ICE2: variants seen among roughly 807,000 people sequenced by gnomAD.
ICE2 encodes interactor of little elongation complex ELL subunit 2.
In ICE2, 87 loss-of-function variants were observed where a neutral mutation model predicts 105.4. That is an observed-to-expected ratio of 0.83 (90% CI 0.69 to 0.99). ICE2 has a LOEUF of 0.99. Among genes scored for constraint, ICE2 ranks in the 50% least tolerant of loss-of-function variants. ICE2 has a pLI of 0.00. For missense variants in ICE2, 1,323 were observed against 1,146.7 expected (o/e 1.15, Z -2.22); for synonymous variants, 399 against 392.0 (o/e 1.02, Z -0.21).
At position 60,428,604 on chromosome 15, in the gene ICE2, G is replaced by A; in HGVS notation, c.2645C>T (p.Thr882Ile). 1 of 1,614,104 alleles carries A rather than the reference G, an allele frequency of 6.2e-7. No homozygotes were observed. The highest frequency in any genetic ancestry group is 1.1e-5 in the South Asian group (1 of 91,082). ...TTTATACAAATTGTATGCTGTCCTA[G>A]TAACTTTTCCATCAGAGGCCTTATA... ...LIYKASDGKV[T>I]RTAYNLYKTH... The change falls in exon 15 of 16, where the codon ACT (threonine) becomes ATT (isoleucine). Residue 882 changes from threonine (T) to isoleucine (I), a missense_variant. Coordinates refer to ENST00000261520, the MANE Select transcript of ICE2 (RefSeq NM_024611.6).
chr15:60,463,928 A>G (rs1485645260), intron 5 of ICE2, among the ~76,000 whole-genome samples: 1 of 152,180 alleles, frequency 6.6e-6, no homozygotes, highest in African/African-American at 2.4e-5. Context: ...ATACAAGAGG[A>G]CTACACAGGG....
intron 15 of ICE2, among the ~76,000 whole-genome samples, chr15:60,426,947 C>G (rs995541426): frequency 2.6e-5 from 4 of 152,180 alleles, no homozygotes; most frequent in Non-Finnish European, 5.9e-5. Flanking sequence ...TTCTAGTAAA[C>G]TGGAAACAGA....
rs907817387 is a variant in ICE2 at position 60,440,999 on chromosome 15, T to C, written c.2425+1417A>G. 4.6e-5 allele frequency: 7 copies of C among 152,330 alleles called. No individual in the cohort carries two copies. The South Asian group carries it at 1.0e-3, about 23-fold the overall frequency. 9.4% of individuals were successfully genotyped at this position (152,330 alleles called of 1,614,324 possible). On this transcript the variant is annotated intron_variant, in intron 12 of 15. Transcript: ENST00000261520. Reference sequence around the variant, plus strand: ...AATCCATACAGTTGATGTTGAACTGTACATTTAAAAACTGAAACCTTAATT... The same window carrying C: ...AATCCATACAGTTGATGTTGAACTGCACATTTAAAAACTGAAACCTTAATT...
chr15:60,478,948 G>A, intron 1 of ICE2, 55 bp downstream of exon 1: 1 of 455,642 alleles, frequency 2.2e-6, no homozygotes, highest in Non-Finnish European at 4.4e-6. Flanking sequence ...ACGCCCGCTG[G>A]CCCGGCAGCG....
intron 12 of ICE2, chr15:60,441,663 T>C (rs769926211): frequency 6.6e-6 from 1 of 152,182 alleles, no homozygotes; most frequent in South Asian, 2.1e-4. Flanking sequence ...TTAGAAAGGA[T>C]TGAGATTTAT....
intron 12 of ICE2, chr15:60,438,539 T>C (rs377704385): frequency 2.6e-5 from 4 of 152,178 alleles, no homozygotes; most frequent in Non-Finnish European, 4.4e-5. Flanking sequence ...TTAAAAACCA[T>C]AGAAAGGAAA....
At chr15:60,454,318 AGACT>A (rs1215735202) in intron 8 of ICE2, among the ~76,000 whole-genome samples, 1 of 152,106 alleles carries the variant, frequency 6.6e-6, no homozygotes, top group Non-Finnish European at 1.5e-5. Context: ...TTATATGTAT[AGACT>A]TACTGTTATT....
chr15:60,448,274 AC>A, intron 10 of ICE2, 129 bp from the exon 11 acceptor site: 1 of 602,822 alleles, frequency 1.7e-6, no homozygotes, highest in Non-Finnish European at 2.8e-6. Flanking sequence ...TGCCTAAGGG[AC>A]CCTCACACTA....
chr15:60,445,865 A>C (rs1490754430), intron 11 of ICE2: 1 of 675,020 alleles, frequency 1.5e-6, no homozygotes, highest in East Asian at 1.3e-4. Context: ...CTCAAAATAA[A>C]TCAGAGAGAT....
At chr15:60,442,837 GTGAC>G in intron 11 of ICE2, 1 of 209,936 alleles carries the variant, frequency 4.8e-6, no homozygotes, top group Non-Finnish European at 9.3e-6. Context: ...GTCAGGGAAT[GTGAC>G]TGACAGCAGA....
At chr15:60,439,771 A>C (rs774060438) in intron 12 of ICE2, 2 of 152,134 alleles carry the variant, frequency 1.3e-5, no homozygotes, top group Non-Finnish European at 2.9e-5. Flanking sequence ...AATGTCATGA[A>C]ATTATCTTCA....
intron 3 of ICE2, among the ~76,000 whole-genome samples, chr15:60,474,383 AAGG>A (rs1311644148): frequency 2.7e-4 from 41 of 152,256 alleles, no homozygotes; most frequent in Middle Eastern, 6.8e-3. Context: ...CACATGTAAA[AAGG>A]CTGCTCACTG....
intron 1 of ICE2, 144 bp downstream of exon 1, chr15:60,478,858 AG>A (rs747987570): frequency 7.1e-6 from 3 of 420,414 alleles, no homozygotes; most frequent in East Asian, 1.5e-4. Context: ...CAAGCAAAGC[AG>A]GGGTAGGAGC....
chr15:60,454,717 G>A (rs1566992265), intron 8 of ICE2: 6 of 269,846 alleles, frequency 2.2e-5, no homozygotes, highest in East Asian at 2.0e-4. Context: ...CTTTAAGTTC[G>A]GGGATACATG....
At chr15:60,439,820 G>A (rs1042116990) in intron 12 of ICE2, 6 of 152,148 alleles carry the variant, frequency 3.9e-5, no homozygotes, top group Non-Finnish European at 8.8e-5. Flanking sequence ...AGTGTCACTT[G>A]TTCATCCTTT....
chr15:60,452,751 TA>T, intron 9 of ICE2: 1 of 516,110 alleles, frequency 1.9e-6, no homozygotes, highest in Non-Finnish European at 2.5e-6. Context: ...CATTTAAACC[TA>T]AACAATCCTA....
chr15:60,437,204 G>A (rs986923972), intron 12 of ICE2, among the ~76,000 whole-genome samples: 9 of 151,730 alleles, frequency 5.9e-5, no homozygotes, highest in African/African-American at 9.7e-5. Flanking sequence ...GCAGTGAGCC[G>A]ATACAGTGCT....
At chr15:60,433,433 G>C (rs1228807653) in intron 13 of ICE2, among the ~76,000 whole-genome samples, 2 of 151,948 alleles carry the variant, frequency 1.3e-5, no homozygotes. Context: ...TAGACCTAAA[G>C]TCCGTCTGTC....
At chr15:60,433,511 A>G (rs1303208440) in intron 13 of ICE2, among the ~76,000 whole-genome samples, 1 of 150,410 alleles carries the variant, frequency 6.6e-6, no homozygotes, top group Non-Finnish European at 1.5e-5. Context: ...TATTTTTTTG[A>G]GATGAGTCTT....
Sources: gnomAD v4.1 joint callset for allele counts (sites outside exome capture counted in the v4.1 genomes callset) on GRCh38, gnomAD v4.1.1 for gene constraint, MANE v1.5 for transcripts, NCBI Gene and HGNC (gene_info 2026-07-23, HGNC 2026-07-21) for gene names.